Variants in MYRIP observed in about 807,000 individuals in gnomAD.
MYRIP encodes the protein myosin VIIA and Rab interacting protein, also known as rab effector MyRIP.
A neutral mutation model predicts 98.0 loss-of-function variants in MYRIP; 49 were observed. The ratio of observed to expected loss-of-function variants is 0.50; its 90% confidence interval spans 0.40 to 0.63. The LOEUF (loss-of-function observed/expected upper bound fraction) is 0.63, where lower values mean the gene tolerates loss of function less well. Ranked by LOEUF, MYRIP falls within the 30% of genes least tolerant of loss-of-function variation. The probability of loss-of-function intolerance (pLI) is 0.00; values close to 1 mark genes in which losing one functional copy is unlikely to be tolerated. For synonymous variants in MYRIP, 404 were observed against 409.5 expected (o/e 0.99, Z 0.16); for missense variants, 1,004 against 1,058.2 (o/e 0.95, Z 0.71).
intron 3 of MYRIP, among the ~76,000 whole-genome samples, chr3:40,048,910 T>G (rs1217787299): frequency 2.0e-5 from 3 of 152,190 alleles, no homozygotes; most frequent in Non-Finnish European, 2.9e-5. Context: ...TTGTCATTTT[T>G]TCATTATATA....
chr3:40,160,252 T>C (rs28791843), intron 4 of MYRIP, among the ~76,000 whole-genome samples: 17,323 of 152,068 alleles, frequency 0.11, 2,276 homozygotes, highest in African/African-American at 0.31. Flanking sequence ...AGTACCCAGC[T>C]GTGTGAGGTG....
At chr3:39,846,666 C>T (rs1941974727) in intron 1 of MYRIP, among the ~76,000 whole-genome samples, 1 of 152,172 alleles carries the variant, frequency 6.6e-6, no homozygotes, top group Non-Finnish European at 1.5e-5. Context: ...TTGCACTTCC[C>T]TGCTGATCCC....
intron 10 of MYRIP, among the ~76,000 whole-genome samples, chr3:40,207,249 T>C (rs1027373714): frequency 6.6e-6 from 1 of 152,240 alleles, no homozygotes; most frequent in African/African-American, 2.4e-5. Flanking sequence ...CCCTGGGTCC[T>C]ATTGGTCTTG....
At chr3:40,135,194 T>C (rs1949737311) in intron 3 of MYRIP, among the ~76,000 whole-genome samples, 1 of 152,124 alleles carries the variant, frequency 6.6e-6, no homozygotes, top group African/African-American at 2.4e-5. Context: ...TTAAAGGACC[T>C]GATGGAGCTG....
At chr3:39,969,893 G>A (rs1410970599) in intron 2 of MYRIP, among the ~76,000 whole-genome samples, 1 of 152,120 alleles carries the variant, frequency 6.6e-6, no homozygotes, top group East Asian at 1.9e-4. Flanking sequence ...CTGTAGGAAT[G>A]GTACCAACTC....
chr3:40,087,755 C>G (rs908818871), intron 3 of MYRIP, among the ~76,000 whole-genome samples: 3 of 152,160 alleles, frequency 2.0e-5, no homozygotes, highest in Non-Finnish European at 4.4e-5. Context: ...GGATCCAGAA[C>G]GAGTCTGCTT....
At chr3:40,143,453 C>T (rs1949950724) in intron 3 of MYRIP, among the ~76,000 whole-genome samples, 1 of 152,116 alleles carries the variant, frequency 6.6e-6, no homozygotes, top group South Asian at 2.1e-4. Flanking sequence ...GAACCACATG[C>T]ATCCTGTGAG....
chr3:40,095,129 A>G (rs1409197106), intron 3 of MYRIP, among the ~76,000 whole-genome samples: 2 of 152,128 alleles, frequency 1.3e-5, no homozygotes, highest in African/African-American at 4.8e-5. Context: ...GAGGGGAGGC[A>G]GGGGGACACT....
At chr3:39,980,634 T>C (rs1051090495) in intron 2 of MYRIP, among the ~76,000 whole-genome samples, 3 of 152,228 alleles carry the variant, frequency 2.0e-5, no homozygotes, top group Admixed American at 2.0e-4. Context: ...ATAGATGCCT[T>C]TGAATCAAAA....
intron 8 of MYRIP, among the ~76,000 whole-genome samples, chr3:40,179,236 G>A (rs1327910880): frequency 1.3e-5 from 2 of 152,204 alleles, no homozygotes; most frequent in African/African-American, 4.8e-5. Flanking sequence ...GCTGGAGACT[G>A]TAGGCCACCA....
intron 1 of MYRIP, among the ~76,000 whole-genome samples, chr3:39,813,342 T>C (rs79040708): frequency 1.3e-5 from 2 of 152,284 alleles, no homozygotes; most frequent in African/African-American, 4.8e-5. Context: ...CCTTCTCCCA[T>C]CCATCACCTT....
At chr3:40,083,884 T>C (rs999172437) in intron 3 of MYRIP, among the ~76,000 whole-genome samples, 10 of 151,980 alleles carry the variant, frequency 6.6e-5, no homozygotes, top group Non-Finnish European at 1.3e-4. Context: ...ACGCCTGTAA[T>C]CCCAACACTT....
At chr3:40,018,385 C>T (rs993572415) in intron 2 of MYRIP, among the ~76,000 whole-genome samples, 1 of 152,198 alleles carries the variant, frequency 6.6e-6, no homozygotes, top group African/African-American at 2.4e-5. Flanking sequence ...GCTTTCCTGT[C>T]TCCCGCTAAA....
chr3:40,212,549 G>A (rs952251900), intron 11 of MYRIP, among the ~76,000 whole-genome samples: 2 of 151,984 alleles, frequency 1.3e-5, no homozygotes, highest in Non-Finnish European at 2.9e-5. Context: ...CAGGCAGATC[G>A]CTTGAGCCTA....
At chr3:40,031,994 T>A (rs1285400965) in intron 2 of MYRIP, among the ~76,000 whole-genome samples, 1 of 152,200 alleles carries the variant, frequency 6.6e-6, no homozygotes, top group Non-Finnish European at 1.5e-5. Context: ...TTCCTTCAGT[T>A]CTGCTCTGAT....
intron 16 of MYRIP, among the ~76,000 whole-genome samples, chr3:40,255,947 A>ATG (rs1953575870): frequency 6.6e-6 from 1 of 152,224 alleles, no homozygotes; most frequent in South Asian, 2.1e-4. Context: ...AAAGTAAACA[A>ATG]ACCCTCTATG....
chr3:40,065,075 G>C (rs944904076), intron 3 of MYRIP, among the ~76,000 whole-genome samples: 1 of 152,160 alleles, frequency 6.6e-6, no homozygotes, highest in Non-Finnish European at 1.5e-5. Context: ...TGAAATCAAG[G>C]TGCAGGCAGG....
intron 2 of MYRIP, among the ~76,000 whole-genome samples, chr3:40,031,040 G>A (rs1343473162): frequency 4.6e-5 from 7 of 152,106 alleles, no homozygotes; most frequent in Admixed American, 3.9e-4. Context: ...GGGTATATCA[G>A]TCTATTTGGC....
At chr3:40,003,215 A>G (rs984598548) in intron 2 of MYRIP, among the ~76,000 whole-genome samples, 4 of 152,186 alleles carry the variant, frequency 2.6e-5, no homozygotes, top group African/African-American at 4.8e-5. Flanking sequence ...GGATATGTAG[A>G]TACAGAGAGC....
Sources: gnomAD v4.1 joint callset for allele counts (sites outside exome capture counted in the v4.1 genomes callset) on GRCh38, gnomAD v4.1.1 for gene constraint, MANE v1.5 for transcripts, NCBI Gene and HGNC (gene_info 2026-07-23, HGNC 2026-07-21) for gene names.